Variants in CLTC observed in about 807,000 individuals in gnomAD.
The protein encoded by CLTC is clathrin heavy chain 1.
Under a neutral mutation model 195.8 loss-of-function variants are expected in CLTC, and 16 were observed. The observed-to-expected ratio is 0.08, with a 90% confidence interval of 0.06 to 0.12. The LOEUF is 0.12. Ranked by LOEUF, CLTC falls within the 10% of genes least tolerant of loss-of-function variation. CLTC has a pLI of 1.00. For missense variants in CLTC, 796 were observed against 2,027.0 expected (o/e 0.39, Z 11.66); for synonymous variants, 667 against 689.4 (o/e 0.97, Z 0.51).
intron 8 of CLTC, among the ~76,000 whole-genome samples, chr17:59,662,125 C>G (rs529713158): frequency 6.6e-6 from 1 of 151,512 alleles, no homozygotes; most frequent in African/African-American, 2.4e-5. Context: ...AAAGTTGGAT[C>G]TTAGTAAGAC....
At chr17:59,684,742 T>C (rs1047222286) in intron 28 of CLTC, among the ~76,000 whole-genome samples, 1 of 147,206 alleles carries the variant, frequency 6.8e-6, no homozygotes, top group Non-Finnish European at 1.5e-5. Flanking sequence ...AGAGGCAGGT[T>C]GCAGTGAGCC....
chr17:59,669,964 G>A (rs1598230388), intron 14 of CLTC, among the ~76,000 whole-genome samples: 1 of 152,268 alleles, frequency 6.6e-6, no homozygotes. Context: ...AGGGGTTTTA[G>A]TGTAATGAAG....
chr17:59,690,566 C>T (rs2033273328), intron 30 of CLTC, 70 bp from the exon 31 acceptor site: 1 of 1,066,536 alleles, frequency 9.4e-7, no homozygotes, highest in Non-Finnish European at 1.4e-6. Flanking sequence ...AAGGCTTTTC[C>T]ACTTTCTGCC....
At position 59,648,160 on chromosome 17, in the gene CLTC, C is replaced by T; in HGVS notation, c.520-80C>T. 8.0e-7 allele frequency: 1 copy of T among 1,256,514 alleles called. No individual in the cohort carries two copies. Among genetic ancestry groups the T allele is most frequent in the South Asian group, 1.6e-5 (1 of 62,148 alleles). 77.8% of individuals were successfully genotyped at this position (1,256,514 alleles called of 1,614,324 possible). A position where few individuals can be genotyped will look rare whatever the true frequency, so the allele number is the denominator to read the frequency against. On this transcript the variant is annotated intron_variant, in intron 3 of 31. Transcript: ENST00000269122. The surrounding 1 kb of genome is among the most constrained non-coding windows in gnomAD (Gnocchi z 4.5). ...ATCCTGCTAAAGATGACAAAGCATT[C>T]TAATTATTTCATTACTTGATGAATC...
intron 1 of CLTC, 51 bp downstream of exon 1, chr17:59,620,224 A>G: frequency 6.3e-7 from 1 of 1,599,602 alleles, no homozygotes; most frequent in Non-Finnish European, 8.6e-7. Context: ...GGTAGGAAGG[A>G]TGGAAGACGC....
chr17:59,690,734 A>G, intron 31 of CLTC, 23 bp downstream of exon 31: 1 of 1,547,848 alleles, frequency 6.5e-7, no homozygotes, highest in Non-Finnish European at 8.9e-7. Context: ...TGTAACCTCA[A>G]AAAATTCATT....
rs1284290862 is a variant in CLTC at position 59,677,066 on chromosome 17, A to C, written c.2674A>C (p.Arg892=). ...IYIDSNNNPE[R]FLRENPYYDS... ...CATAGACAGTAATAACAACCCGGAGAGATTTCTTCGTGAAAATCCCTACTA... is the reference window on the plus strand; with the variant it reads ...CATAGACAGTAATAACAACCCGGAGCGATTTCTTCGTGAAAATCCCTACTA... The change falls in exon 17 of 32, where the codon AGA becomes CGA. Residue 892 remains arginine (R), a synonymous_variant. Coordinates refer to ENST00000269122, the MANE Select transcript of CLTC (RefSeq NM_004859.4). 6.2e-7 allele frequency: 1 copy of C among 1,614,082 alleles called. No individual in the cohort carries two copies. The highest frequency in any genetic ancestry group is 2.2e-5 in the East Asian group (1 of 44,860).
intron 1 of CLTC, among the ~76,000 whole-genome samples, chr17:59,642,900 T>C (rs2032078795): frequency 6.6e-6 from 1 of 152,192 alleles, no homozygotes; most frequent in African/African-American, 2.4e-5. Context: ...AAGTAAAATG[T>C]AGCCTTGTAG....
intron 28 of CLTC, chr17:59,684,228 CATCTAGATTGT>C (rs2033132953): frequency 2.5e-6 from 1 of 401,264 alleles, no homozygotes. Flanking sequence ...TTATCTCTAA[CATCTAGATTGT>C]AGGTAGAGTC....
chr17:59,693,710 T>C lies in CLTC; in HGVS notation c.4904-18T>C. ...CTTGCCCCTGCCCCCTGCTCCTTTT[T>C]GTTTTCTTCTACTGTAGGTCAGCCC... On this transcript the variant is annotated intron_variant, in intron 31 of 31. Transcript: ENST00000269122. 6.2e-7 allele frequency: 1 copy of C among 1,606,392 alleles called. No homozygotes were observed. Among genetic ancestry groups the C allele is most frequent in the Non-Finnish European group, 8.5e-7 (1 of 1,176,568 alleles).
At chr17:59,634,490 C>T (rs533431969) in intron 1 of CLTC, among the ~76,000 whole-genome samples, 1 of 152,268 alleles carries the variant, frequency 6.6e-6, no homozygotes, top group South Asian at 2.1e-4. Context: ...AATTTCCAAT[C>T]AGCAGTTGAT....
chr17:59,655,039 A>G (rs2032430928), intron 5 of CLTC, among the ~76,000 whole-genome samples: 1 of 152,242 alleles, frequency 6.6e-6, no homozygotes, highest in African/African-American at 2.4e-5. Context: ...TGTTCACTGG[A>G]GTAGCACTTT....
intron 1 of CLTC, among the ~76,000 whole-genome samples, chr17:59,627,388 T>C (rs2031583109): frequency 6.6e-6 from 1 of 152,220 alleles, no homozygotes. Context: ...TTAGCCTTAT[T>C]GTAGAGATTG....
chr17:59,626,095 C>T (rs987803832), intron 1 of CLTC, among the ~76,000 whole-genome samples: 1 of 152,068 alleles, frequency 6.6e-6, no homozygotes, highest in Admixed American at 6.6e-5. Flanking sequence ...ACACATTTAC[C>T]TAAGATTTGA....
intron 16 of CLTC, among the ~76,000 whole-genome samples, chr17:59,676,018 T>C (rs1428914330): frequency 1.3e-5 from 2 of 152,226 alleles, no homozygotes; most frequent in Non-Finnish European, 2.9e-5. Flanking sequence ...GCTTTTTCTC[T>C]GGCTGCTTTT....
chr17:59,643,580 A>T (rs2032105359), intron 1 of CLTC, among the ~76,000 whole-genome samples: 1 of 152,110 alleles, frequency 6.6e-6, no homozygotes, highest in Non-Finnish European at 1.5e-5. Context: ...TCATTTCTCT[A>T]ACCTTAATTG....
Position 59,681,892 on chromosome 17 carries a change from A to ATT in CLTC, c.3442+54_3442+55dup. On this transcript the variant is annotated intron_variant, in intron 21 of 31. Coordinates refer to ENST00000269122, the MANE Select transcript of CLTC (RefSeq NM_004859.4). The surrounding 1 kb of genome is among the most constrained non-coding windows in gnomAD (Gnocchi z 5.0). ...ACCTCATAAAATGATTAAGCTAAGC[A>ATT]TTAAGATATCTGTCTATTCTGAATT... 1 of 1,459,618 alleles carries ATT rather than the reference A, an allele frequency of 6.9e-7. No individual in the cohort carries two copies. The highest frequency in any genetic ancestry group is 9.3e-7 in the Non-Finnish European group (1 of 1,071,814). The allele number at this position is 1,459,618 out of a possible 1,614,324, so 90.4% of individuals were successfully genotyped here.
intron 1 of CLTC, among the ~76,000 whole-genome samples, chr17:59,631,969 CAAA>C (rs201741031): frequency 3.5e-4 from 44 of 127,358 alleles, no homozygotes; most frequent in African/African-American, 1.3e-3. Context: ...GACCCTATCT[CAAA>C]AAAAAAAAAA....
At chr17:59,639,348 C>T (rs531337170) in intron 1 of CLTC, among the ~76,000 whole-genome samples, 2 of 152,156 alleles carry the variant, frequency 1.3e-5, no homozygotes, top group African/African-American at 4.8e-5. Flanking sequence ...ACTGTATGCA[C>T]GTGATAACTA....
Sources: allele counts gnomAD v4.1 joint callset (sites outside exome capture counted in the v4.1 genomes callset), GRCh38; gene constraint gnomAD v4.1.1; non-coding constraint Gnocchi (gnomAD v3.1); transcripts MANE v1.5; gene names NCBI Gene and HGNC (gene_info 2026-07-23, HGNC 2026-07-21).